PDGFD: variants seen among roughly 807,000 people sequenced by gnomAD.
PDGFD encodes the protein platelet derived growth factor D, also known as platelet-derived growth factor D.
In PDGFD, 30 loss-of-function variants were observed where a neutral mutation model predicts 44.7. That is an observed-to-expected ratio of 0.67 (90% CI 0.50 to 0.91). The LOEUF (loss-of-function observed/expected upper bound fraction) is 0.91. Ranked by LOEUF, PDGFD falls within the 40% of genes least tolerant of loss-of-function variation. The pLI is 0.00. For synonymous variants in PDGFD, 173 were observed against 168.4 expected, an observed-to-expected ratio of 1.03 and a Z score of -0.21; for missense variants, 445 against 457.8, an observed-to-expected ratio of 0.97 and a Z score of 0.25.
At chr11:104,110,217 T>C (rs1306290545) in intron 1 of PDGFD, among the ~76,000 whole-genome samples, 4 of 152,130 alleles carry the variant, frequency 2.6e-5, no homozygotes, top group African/African-American at 9.7e-5. Context: ...GGAAGTTGAT[T>C]CTCACTTTGA....
intron 3 of PDGFD, among the ~76,000 whole-genome samples, chr11:103,953,160 T>C (rs1218201959): frequency 1.3e-5 from 2 of 152,132 alleles, no homozygotes; most frequent in African/African-American, 4.8e-5. Flanking sequence ...ACAAGATGTG[T>C]ACATACAAGA....
In PDGFD at chr11:104,129,820, C is replaced by T. The variant is rs184464265; in HGVS notation, c.124+33984G>A. 1.1e-3 allele frequency among the ~76,000 whole-genome samples: 161 copies of T among 151,830 alleles called. 2 individuals carry two copies. The highest frequency in any genetic ancestry group is 5.3e-4 in the Non-Finnish European group (36 of 67,912). On this transcript the variant is annotated intron_variant, in intron 1 of 6. Coordinates refer to ENST00000393158, the MANE Select transcript of PDGFD (RefSeq NM_025208.5). ...GGTCAGGAGTTCAAGACTAGCCTGGCCAACATGGTGAAACCGTGCTTCTAT... is the reference window on the plus strand; with the variant it reads ...GGTCAGGAGTTCAAGACTAGCCTGGTCAACATGGTGAAACCGTGCTTCTAT...
intron 3 of PDGFD, among the ~76,000 whole-genome samples, chr11:103,987,723 T>C (rs1025401400): frequency 6.6e-6 from 1 of 152,202 alleles, no homozygotes; most frequent in Admixed American, 6.6e-5. Context: ...GAAAGGCTAG[T>C]AAGTGATTAG....
chr11:104,116,733 G>C (rs974033397), intron 1 of PDGFD, among the ~76,000 whole-genome samples: 4 of 151,950 alleles, frequency 2.6e-5, no homozygotes, highest in African/African-American at 4.8e-5. Flanking sequence ...GAATTCCCAT[G>C]CATTGTGGGA....
intron 1 of PDGFD, among the ~76,000 whole-genome samples, chr11:104,098,802 C>T (rs1438473889): frequency 6.6e-6 from 1 of 152,078 alleles, no homozygotes; most frequent in African/African-American, 2.4e-5. Context: ...CATCTAGCCT[C>T]TTCTGTTTTT....
At chr11:103,943,398 T>C (rs1270007090) in intron 5 of PDGFD, 54 bp downstream of exon 5, 2 of 1,515,770 alleles carry the variant, frequency 1.3e-6, no homozygotes, top group East Asian at 2.3e-5. Context: ...ACTCAGCTTG[T>C]ACTGTTAAGA....
chr11:104,159,256 G>A lies in PDGFD; in HGVS notation c.124+4548C>T, dbSNP rs545779309. Among the ~76,000 whole-genome samples the A allele has an allele frequency of 7.9e-5, 12 of 152,036 alleles. 1 individual carries two copies. The South Asian group carries it at 2.1e-3, about 26-fold the overall frequency. ...TCTGAAAAGAGAGAGCCTTGAAAGA[G>A]GCTAGGTAGCTCAGACACTAACTCA... On this transcript the variant is annotated intron_variant, in intron 1 of 6. Coordinates refer to ENST00000393158, the MANE Select transcript of PDGFD (RefSeq NM_025208.5).
chr11:103,958,210 C>T lies in PDGFD; in HGVS notation c.511-10486G>A, dbSNP rs893532805. On this transcript the variant is annotated intron_variant, in intron 3 of 6. Coordinates refer to ENST00000393158, the MANE Select transcript of PDGFD (RefSeq NM_025208.5). ...GATGAGGAAGCAGAAAGACAGGATG[C>T]AAGCCCTATTATTAAGGAAGTGCCA... Among the ~76,000 whole-genome samples the T allele has an allele frequency of 5.3e-5, 8 of 152,286 alleles. No individual in the cohort carries two copies. The East Asian group carries it at 1.3e-3, about 26-fold the overall frequency.
intron 6 of PDGFD, among the ~76,000 whole-genome samples, chr11:103,912,126 G>T (rs905974066): frequency 3.9e-5 from 6 of 152,094 alleles, no homozygotes; most frequent in Non-Finnish European, 8.8e-5. Flanking sequence ...GAAATATGGA[G>T]AACACCATAA....
At chr11:103,972,147 G>A (rs977149418) in intron 3 of PDGFD, among the ~76,000 whole-genome samples, 3 of 152,158 alleles carry the variant, frequency 2.0e-5, no homozygotes, top group African/African-American at 7.2e-5. Context: ...GCTTAGAGGA[G>A]GTTTTCTCAA....
intron 1 of PDGFD, among the ~76,000 whole-genome samples, chr11:104,148,665 T>C (rs1425101487): frequency 2.6e-5 from 4 of 152,248 alleles, no homozygotes; most frequent in African/African-American, 7.2e-5. Context: ...TCATGGGGGT[T>C]TGTTGTACAG....
rs151276581 is a variant in PDGFD at position 103,918,530 on chromosome 11, A to C, written c.987+8382T>G. ...TGCTTTCTCATTTGACGGCAAACAA[A>C]AGTGTGTGCTTTGGGATAAGAGCAA... On this transcript the variant is annotated intron_variant, in intron 6 of 6. Transcript: ENST00000393158. Among the ~76,000 whole-genome samples the C allele has an allele frequency of 1.1e-3, 170 of 152,294 alleles. 3 individuals carry two copies. The highest frequency in any genetic ancestry group is 4.0e-3 in the African/African-American group (167 of 41,562).
Position 104,032,408 on chromosome 11 carries a change from T to A in PDGFD, c.125-32153A>T, listed in dbSNP as rs376217093. On this transcript the variant is annotated intron_variant, in intron 1 of 6. Coordinates refer to ENST00000393158, the MANE Select transcript of PDGFD (RefSeq NM_025208.5). ...TCAAGTTATGATTTAACTCTCTTAA[T>A]AAGTCTTGATTACACGTTAAAGGTA... Among the ~76,000 whole-genome samples the A allele has an allele frequency of 1.1e-4, 16 of 152,270 alleles. No homozygotes were observed. In the South Asian group the frequency reaches 2.1e-3, roughly 20 times the overall value.
At chr11:104,118,710 T>G (rs574016270) in intron 1 of PDGFD, among the ~76,000 whole-genome samples, 1 of 85,096 alleles carries the variant, frequency 1.2e-5, no homozygotes, top group Non-Finnish European at 2.3e-5. Context: ...CCTTAATTTA[T>G]ATATTATTAT....
At chr11:104,057,856 A>G (rs111393713) in intron 1 of PDGFD, among the ~76,000 whole-genome samples, 197 of 152,352 alleles carry the variant, frequency 1.3e-3, no homozygotes, top group African/African-American at 4.4e-3. Context: ...GAGTCCGGAA[A>G]GAGACCCATA....
chr11:103,966,417 C>T (rs7952283), intron 3 of PDGFD, among the ~76,000 whole-genome samples: 3 of 151,970 alleles, frequency 2.0e-5, no homozygotes, highest in Non-Finnish European at 2.9e-5. Flanking sequence ...AGAAAAACAT[C>T]CCCAATAGTC....
chr11:104,073,499 G>A (rs1464551513), intron 1 of PDGFD, among the ~76,000 whole-genome samples: 3 of 152,170 alleles, frequency 2.0e-5, no homozygotes, highest in African/African-American at 4.8e-5. Context: ...AATTTCTTAT[G>A]AGAAGAAGTA....
intron 6 of PDGFD, among the ~76,000 whole-genome samples, chr11:103,910,063 C>T (rs1398700109): frequency 6.7e-6 from 1 of 149,732 alleles, no homozygotes; most frequent in African/African-American, 2.5e-5. Flanking sequence ...ACCTGAAGTA[C>T]CCAGATGATT....
rs1018197815 is a variant in PDGFD, at chr11:104,046,815, G to A, written c.125-46560C>T. Among the ~76,000 whole-genome samples the A allele has an allele frequency of 1.0e-4, 15 of 146,508 alleles. 2 individuals are homozygous for A. The highest frequency in any genetic ancestry group is 1.2e-4 in the Non-Finnish European group (8 of 65,764). Reference sequence around the variant, plus strand: ...GTGAAGGTTTGTTACACAGGTATACGCATGCTATGGTGGTTTGCTGCACCC... The same window carrying A: ...GTGAAGGTTTGTTACACAGGTATACACATGCTATGGTGGTTTGCTGCACCC... On this transcript the variant is annotated intron_variant, in intron 1 of 6. Coordinates refer to ENST00000393158, the MANE Select transcript of PDGFD (RefSeq NM_025208.5).
Sources: gnomAD v4.1 joint callset for allele counts (sites outside exome capture counted in the v4.1 genomes callset) on GRCh38, gnomAD v4.1.1 for gene constraint, MANE v1.5 for transcripts, NCBI Gene and HGNC (gene_info 2026-07-23, HGNC 2026-07-21) for gene names.